SCRG1: variants seen among roughly 807,000 people sequenced by gnomAD.
The protein encoded by SCRG1 is stimulator of chondrogenesis 1, also known as scrapie-responsive protein 1.
SCRG1 carries 3 observed loss-of-function variants against 7.7 expected under a neutral mutation model. The observed-to-expected ratio is 0.39, with a 90% CI of 0.18 to 1.01. SCRG1 has a LOEUF of 1.01. SCRG1 is among the 50% of genes least tolerant of loss of function. The probability of loss-of-function intolerance (pLI) is 0.36; values close to 1 mark genes in which losing one functional copy is unlikely to be tolerated. For missense variants in SCRG1, 110 were observed against 117.2 expected (o/e 0.94, Z 0.28); for synonymous variants, 46 against 41.2 (o/e 1.12, Z -0.44).
At chr4:173,480,274 C>A in the SCRG1 span, among the ~76,000 whole-genome samples, 1 of 151,784 alleles carries the variant, frequency 6.6e-6, no homozygotes, top group Non-Finnish European at 1.5e-5. Flanking sequence ...AAGAAAGAAT[C>A]AAAAAGTCTA....
the SCRG1 span, among the ~76,000 whole-genome samples, chr4:173,430,711 G>A: frequency 2.7e-5 from 4 of 149,214 alleles, no homozygotes; most frequent in African/African-American, 9.9e-5. Context: ...GGAGGCTGAA[G>A]TGAGAGAATC....
At chr4:173,478,489 C>T in the SCRG1 span, among the ~76,000 whole-genome samples, 18 of 152,174 alleles carry the variant, frequency 1.2e-4, no homozygotes, top group Non-Finnish European at 2.2e-4. Flanking sequence ...GAGAATTCAT[C>T]TGCCTATAAG....
chr4:173,445,524 G>T, the SCRG1 span, among the ~76,000 whole-genome samples: 1 of 148,066 alleles, frequency 6.8e-6, no homozygotes, highest in African/African-American at 2.5e-5. Flanking sequence ...GGAGGTTGTG[G>T]TGAGCCGATA....
upstream of SCRG1, among the ~76,000 whole-genome samples, chr4:173,399,918 T>C (rs1000612393): frequency 6.6e-6 from 1 of 152,152 alleles, no homozygotes; most frequent in Non-Finnish European, 1.5e-5. Flanking sequence ...TACAAAGGCA[T>C]GAAGGTGAAA....
the SCRG1 span, among the ~76,000 whole-genome samples, chr4:173,496,842 C>T: frequency 1.7e-4 from 26 of 152,248 alleles, no homozygotes; most frequent in Admixed American, 4.6e-4. Context: ...TGCGGTGGCT[C>T]ACACCTGTAA....
the SCRG1 span, among the ~76,000 whole-genome samples, chr4:173,505,878 C>T: frequency 6.6e-6 from 1 of 152,176 alleles, no homozygotes; most frequent in East Asian, 1.9e-4. This position sits in a 1 kb window ranked among gnomAD's most constrained non-coding sequence, Gnocchi z 4.4. Context: ...TTCGTTCTTT[C>T]CCAGTTTAAG....
At chr4:173,463,196 A>G in the SCRG1 span, among the ~76,000 whole-genome samples, 1 of 152,308 alleles carries the variant, frequency 6.6e-6, no homozygotes, top group South Asian at 2.1e-4. Context: ...GTGTAGGAAT[A>G]AGGTTGAAGA....
chr4:173,389,256 C>T (rs964847876), intron 2 of SCRG1, among the ~76,000 whole-genome samples: 1 of 151,608 alleles, frequency 6.6e-6, no homozygotes, highest in Non-Finnish European at 1.5e-5. Flanking sequence ...GGGTCCCGGC[C>T]GGGCGCAGTG....
the SCRG1 span, among the ~76,000 whole-genome samples, chr4:173,500,844 TC>T: frequency 6.6e-6 from 1 of 151,522 alleles, no homozygotes. Flanking sequence ...ATAGTCACTC[TC>T]CCCGATTGTT....
the SCRG1 span, among the ~76,000 whole-genome samples, chr4:173,443,979 G>A: frequency 6.6e-6 from 1 of 151,376 alleles, no homozygotes; most frequent in Non-Finnish European, 1.5e-5. Context: ...GTGTGTGTGT[G>A]TGTGTGTGTT....
the SCRG1 span, among the ~76,000 whole-genome samples, chr4:173,474,157 C>T: frequency 2.6e-5 from 4 of 151,728 alleles, no homozygotes; most frequent in Non-Finnish European, 4.4e-5. Flanking sequence ...GGTGACATAG[C>T]GAGTTTCCAT....
At chr4:173,482,046 A>G in the SCRG1 span, among the ~76,000 whole-genome samples, 1 of 152,100 alleles carries the variant, frequency 6.6e-6, no homozygotes, top group South Asian at 2.1e-4. Flanking sequence ...ATTTTACTGT[A>G]TACATTTGAC....
the SCRG1 span, among the ~76,000 whole-genome samples, chr4:173,504,700 C>T: frequency 6.6e-6 from 1 of 152,184 alleles, no homozygotes; most frequent in African/African-American, 2.4e-5. The surrounding 1 kb of genome is among the most constrained non-coding windows in gnomAD (Gnocchi z 4.7). Flanking sequence ...TGCCAGACCA[C>T]TGGAGTCCCT....
At chr4:173,398,603 T>C (rs190177551) in intron 1 of SCRG1, among the ~76,000 whole-genome samples, 1 of 152,370 alleles carries the variant, frequency 6.6e-6, no homozygotes, top group Admixed American at 6.5e-5. Context: ...CAGGTTCTTT[T>C]CAGAAATCAG....
chr4:173,433,318 T>C, the SCRG1 span, among the ~76,000 whole-genome samples: 1 of 152,236 alleles, frequency 6.6e-6, no homozygotes, highest in Non-Finnish European at 1.5e-5. Context: ...AATATACTAA[T>C]AGACTTTGTG....
the SCRG1 span, chr4:173,419,180 T>TC: frequency 2.9e-6 from 1 of 343,490 alleles, no homozygotes; most frequent in East Asian, 6.0e-5. Context: ...ACCTCTTCCA[T>TC]CTTTTTTTTC....
chr4:173,412,280 G>A, the SCRG1 span, among the ~76,000 whole-genome samples: 1 of 152,152 alleles, frequency 6.6e-6, no homozygotes, highest in Non-Finnish European at 1.5e-5. Context: ...TGTATTGGCT[G>A]AATATAAGCC....
chr4:173,511,163 G>C, the SCRG1 span, among the ~76,000 whole-genome samples: 2 of 151,950 alleles, frequency 1.3e-5, no homozygotes, highest in Non-Finnish European at 2.9e-5. This position sits in a 1 kb window ranked among gnomAD's most constrained non-coding sequence, Gnocchi z 5.2. Context: ...AGACGGGGTG[G>C]GGGGGTGTTT....
At chr4:173,399,192 T>C (rs1329421905), upstream of SCRG1, 1 of 152,216 alleles carries the variant, frequency 6.6e-6, no homozygotes, top group Non-Finnish European at 1.5e-5. Context: ...AATGAACCTT[T>C]GTCTGCCTTG....
Sources: allele counts gnomAD v4.1 joint callset (sites outside exome capture counted in the v4.1 genomes callset), GRCh38; gene constraint gnomAD v4.1.1; non-coding constraint Gnocchi (gnomAD v3.1); transcripts MANE v1.5; gene names NCBI Gene and HGNC (gene_info 2026-07-23, HGNC 2026-07-21).